The following ARHGAP28 variants were observed in gnomAD, a reference collection of about 807,000 sequenced individuals.
The protein encoded by ARHGAP28 is rho GTPase-activating protein 28.
A neutral mutation model predicts 90.7 loss-of-function variants in ARHGAP28; 56 were observed. The ratio of observed to expected loss-of-function variants is 0.62; its 90% CI spans 0.50 to 0.77. The LOEUF is 0.77. ARHGAP28 is among the 30% of genes least tolerant of loss of function. The pLI is 0.00. For missense variants in ARHGAP28, 869 were observed against 900.9 expected (o/e 0.96, Z 0.45); for synonymous variants, 308 against 323.3 (o/e 0.95, Z 0.51).
intron 15 of ARHGAP28, among the ~76,000 whole-genome samples, chr18:6,896,050 G>T (rs567043605): frequency 1.3e-5 from 2 of 152,156 alleles, no homozygotes; most frequent in Non-Finnish European, 2.9e-5. Flanking sequence ...ATTGAATTTG[G>T]ACCAGCCATT....
At chr18:6,877,354 T>C (rs919774123) in intron 10 of ARHGAP28, among the ~76,000 whole-genome samples, 1 of 152,190 alleles carries the variant, frequency 6.6e-6, no homozygotes, top group African/African-American at 2.4e-5. Context: ...GGTGAGGCTC[T>C]AACCACGGTG....
intron 2 of ARHGAP28, chr18:6,836,109 G>A (rs2056751535): frequency 6.6e-6 from 1 of 152,174 alleles, no homozygotes; most frequent in Admixed American, 6.6e-5. Context: ...AAACTCGTTT[G>A]TACTGGCAGA....
chr18:6,764,180 AAG>A (rs2056182936), intron 1 of ARHGAP28, among the ~76,000 whole-genome samples: 1 of 152,170 alleles, frequency 6.6e-6, no homozygotes, highest in Admixed American at 6.6e-5. Context: ...TATTAGAAAA[AAG>A]AACATGAATT....
chr18:6,849,706 G>T (rs889452579), intron 3 of ARHGAP28, among the ~76,000 whole-genome samples: 7 of 152,148 alleles, frequency 4.6e-5, no homozygotes, highest in Non-Finnish European at 7.4e-5. Context: ...TGAGAAGTCT[G>T]ATGCCTCCCT....
chr18:6,882,023 T>C, intron 10 of ARHGAP28, 114 bp from the exon 11 acceptor site: 1 of 948,654 alleles, frequency 1.1e-6, no homozygotes, highest in South Asian at 2.4e-5. Flanking sequence ...TTGGTAGACA[T>C]TACCTTACCA....
intron 1 of ARHGAP28, among the ~76,000 whole-genome samples, chr18:6,746,692 C>T (rs1411325153): frequency 6.6e-6 from 1 of 152,170 alleles, no homozygotes; most frequent in African/African-American, 2.4e-5. Flanking sequence ...AGAGTCCAGA[C>T]AATTCAGTCT....
rs994735143 is a variant in ARHGAP28 at position 6,861,020 on chromosome 18, T to C, written c.726+1123T>C. On this transcript the variant is annotated intron_variant, in intron 5 of 17. Coordinates refer to ENST00000383472, the MANE Select transcript of ARHGAP28 (RefSeq NM_001366230.1). The stretch of plus-strand genomic sequence containing the variant: ...CTTTAGACGTCATCTCAAATTCATC[T>C]CACTTATTAATGAAAACAAAGTCAG... Among the ~76,000 whole-genome samples, 12 of 152,344 alleles carry C rather than the reference T, an allele frequency of 7.9e-5. 2 individuals carry two copies. Among genetic ancestry groups the C allele is most frequent in the Admixed American group, 2.0e-4 (3 of 15,302 alleles).
Position 6,859,862 on chromosome 18 carries a change from G to T in ARHGAP28, c.691G>T (p.Glu231Ter), listed in dbSNP as rs2143384342. Residue 231 changes from glutamate (E) to a stop codon, truncating the protein, a stop_gained, in exon 5 of 18, where the codon GAA becomes TAA. Coordinates refer to ENST00000383472, the MANE Select transcript of ARHGAP28 (RefSeq NM_001366230.1). LOFTEE classifies it high-confidence loss of function. ...TTLSDASQDK[E>*]GSFAVPRSDS... ...CCTGTCTGACGCATCCCAGGATAAAGAAGGGAGTTTTGCGGTTCCCAGGAG... is the reference window on the plus strand; with the variant it reads ...CCTGTCTGACGCATCCCAGGATAAATAAGGGAGTTTTGCGGTTCCCAGGAG... 1 of 1,614,212 alleles carries T rather than the reference G, an allele frequency of 6.2e-7. No homozygotes were observed. Among genetic ancestry groups the T allele is most frequent in the Admixed American group, 1.7e-5 (1 of 60,028 alleles).
intron 3 of ARHGAP28, among the ~76,000 whole-genome samples, chr18:6,849,137 A>G (rs1032833459): frequency 6.6e-6 from 1 of 151,374 alleles, no homozygotes; most frequent in Non-Finnish European, 1.5e-5. Flanking sequence ...ATGTTCCTGT[A>G]GTCCCAGCTA....
chr18:6,802,527 A>G (rs1389668792), intron 1 of ARHGAP28, among the ~76,000 whole-genome samples: 2 of 151,172 alleles, frequency 1.3e-5, no homozygotes, highest in Admixed American at 1.3e-4. Context: ...TGTATTTTTA[A>G]TAGAGACGGG....
At chr18:6,827,837 GGACA>G (rs2056683670) in intron 2 of ARHGAP28, among the ~76,000 whole-genome samples, 1 of 151,884 alleles carries the variant, frequency 6.6e-6, no homozygotes, top group Admixed American at 6.6e-5. Flanking sequence ...GGTCGCGGCC[GGACA>G]GAGGCACTCC....
intron 3 of ARHGAP28, among the ~76,000 whole-genome samples, chr18:6,838,002 T>C (rs1218350980): frequency 1.3e-5 from 2 of 152,232 alleles, no homozygotes; most frequent in Non-Finnish European, 2.9e-5. Context: ...CAATTTTACA[T>C]CTAAGGCTAT....
Position 6,890,022 on chromosome 18 carries a change from G to A in ARHGAP28, c.1671G>A (p.Leu557=), listed in dbSNP as rs368147270. 24 of 1,614,104 alleles carry A rather than the reference G, an allele frequency of 1.5e-5. No individual in the cohort carries two copies. The African/African-American group carries it at 3.2e-4, about 22-fold the overall frequency. Residue 557 remains leucine (L), a synonymous_variant, in exon 13 of 18, where the codon CTG becomes CTA. Coordinates refer to ENST00000383472, the MANE Select transcript of ARHGAP28 (RefSeq NM_001366230.1). ...RSKHSDYEEL[L]LANTAAHIIR... ...AACACTCTGATTATGAAGAATTACT[G>A]TTAGCAAACACTGCGGCCCACATCA... is the stretch of plus-strand genomic sequence containing the variant.
chr18:6,851,626 A>C (rs1041533881), intron 4 of ARHGAP28, among the ~76,000 whole-genome samples: 16 of 152,346 alleles, frequency 1.1e-4, no homozygotes, highest in African/African-American at 3.8e-4. Context: ...TATTTGTAAT[A>C]GCCCCCAAAC....
chr18:6,833,332 C>T (rs1473300713), intron 2 of ARHGAP28, among the ~76,000 whole-genome samples: 1 of 152,010 alleles, frequency 6.6e-6, no homozygotes, highest in African/African-American at 2.4e-5. Context: ...ATCCAGTCCT[C>T]AGACTGCTAT....
At chr18:6,828,039 A>G (rs1348754182) in intron 2 of ARHGAP28, among the ~76,000 whole-genome samples, 1 of 152,114 alleles carries the variant, frequency 6.6e-6, no homozygotes, top group Admixed American at 6.5e-5. Context: ...AGATCACGCC[A>G]CTGCACTCCA....
intron 1 of ARHGAP28, among the ~76,000 whole-genome samples, chr18:6,731,245 G>C (rs1016229116): frequency 3.9e-5 from 6 of 152,158 alleles, no homozygotes; most frequent in African/African-American, 1.2e-4. Flanking sequence ...ATTATTGGCT[G>C]TAAGTACTCA....
At chr18:6,767,963 C>G (rs1347898232) in intron 1 of ARHGAP28, among the ~76,000 whole-genome samples, 1 of 152,148 alleles carries the variant, frequency 6.6e-6, no homozygotes, top group Admixed American at 6.5e-5. Context: ...CCATGTCATC[C>G]CATAGGTCAC....
chr18:6,734,329 GT>G (rs1017239784), intron 1 of ARHGAP28, among the ~76,000 whole-genome samples: 2 of 151,680 alleles, frequency 1.3e-5, no homozygotes, highest in African/African-American at 2.4e-5. Context: ...GAAGTACAAT[GT>G]TTTTTTTGTG....
Sources: allele counts gnomAD v4.1 joint callset (sites outside exome capture counted in the v4.1 genomes callset), GRCh38; gene constraint gnomAD v4.1.1; transcripts MANE v1.5; gene names NCBI Gene and HGNC (gene_info 2026-07-23, HGNC 2026-07-21).